FDX1: variants seen among roughly 807,000 people sequenced by gnomAD.
The protein encoded by FDX1 is adrenodoxin, mitochondrial.
In FDX1, 9 loss-of-function variants were observed where a neutral mutation model predicts 14.9. That is an observed-to-expected ratio of 0.60 (90% CI 0.36 to 1.05). The LOEUF (loss-of-function observed/expected upper bound fraction) is 1.05. Ranked by LOEUF, FDX1 falls within the 50% of genes least tolerant of loss-of-function variation. The pLI, the probability that FDX1 is intolerant of heterozygous loss-of-function variation, is 0.01. For synonymous variants in FDX1, 92 were observed against 99.4 expected (o/e 0.93, Z 0.44); for missense variants, 204 against 237.2 (o/e 0.86, Z 0.92).
At chr11:110,444,139 C>T (rs1282777529) in intron 2 of FDX1, among the ~76,000 whole-genome samples, 3 of 152,024 alleles carry the variant, frequency 2.0e-5, no homozygotes, top group Admixed American at 2.0e-4. Flanking sequence ...CTTTGCCAAT[C>T]CAATGTCTAG....
intron 2 of FDX1, 76 bp downstream of exon 2, chr11:110,436,034 T>C (rs1158989780): frequency 2.2e-6 from 3 of 1,339,202 alleles, no homozygotes; most frequent in Non-Finnish European, 3.1e-6. Flanking sequence ...GTTTTTTTTT[T>C]TGAAGAAGTT....
intron 2 of FDX1, among the ~76,000 whole-genome samples, chr11:110,439,194 C>A (rs1268962064): frequency 6.6e-6 from 1 of 151,962 alleles, no homozygotes; most frequent in Non-Finnish European, 1.5e-5. Context: ...TGTCAGCCAC[C>A]ATGCCTGCTC....
chr11:110,432,421 T>G (rs1946337779), intron 1 of FDX1, among the ~76,000 whole-genome samples: 1 of 152,178 alleles, frequency 6.6e-6, no homozygotes, highest in South Asian at 2.1e-4. Context: ...TTCTATTTAT[T>G]TTTAAAATTT....
upstream of FDX1, among the ~76,000 whole-genome samples, chr11:110,429,549 G>A (rs796880552): frequency 2.5e-4 from 38 of 152,192 alleles, 2 homozygotes; most frequent in African/African-American, 9.2e-4. Context: ...CAATTTTATA[G>A]TCATAATTAT....
At chr11:110,458,481 C>A (rs1444742100) in intron 3 of FDX1, among the ~76,000 whole-genome samples, 1 of 152,046 alleles carries the variant, frequency 6.6e-6, no homozygotes, top group Non-Finnish European at 1.5e-5. Context: ...AGCTAGTAAC[C>A]ACATGTAAAC....
chr11:110,435,774 A>G, intron 1 of FDX1, 60 bp from the exon 2 acceptor site: 1 of 1,388,056 alleles, frequency 7.2e-7, no homozygotes, highest in Non-Finnish European at 9.9e-7. Flanking sequence ...TTTTAAACCA[A>G]TTATTTTAAA....
chr11:110,438,667 G>A lies in FDX1; in HGVS notation c.310+2709G>A, dbSNP rs538922824. 5.9e-5 allele frequency among the ~76,000 whole-genome samples: 9 copies of A among 152,006 alleles called. No homozygotes were observed. The South Asian group carries it at 6.2e-4, about 11-fold the overall frequency. On this transcript the variant is annotated intron_variant, in intron 2 of 3. Coordinates refer to ENST00000260270, the MANE Select transcript of FDX1 (RefSeq NM_004109.5). ...CAAATTTTATATTTTTAGTTTTGCC[G>A]CATTGACCAGGCTGGTCTTGAATTC...
chr11:110,432,434 G>A (rs1399155884), intron 1 of FDX1, among the ~76,000 whole-genome samples: 2 of 152,120 alleles, frequency 1.3e-5, no homozygotes, highest in Non-Finnish European at 2.9e-5. Flanking sequence ...TAAAATTTCA[G>A]TAGTTTTGGG....
At chr11:110,456,355 G>T (rs1351877872) in intron 2 of FDX1, among the ~76,000 whole-genome samples, 1 of 152,026 alleles carries the variant, frequency 6.6e-6, no homozygotes, top group East Asian at 1.9e-4. Context: ...TATTTTCATA[G>T]GTATTCCTTC....
intron 3 of FDX1, among the ~76,000 whole-genome samples, chr11:110,457,813 A>G (rs150267309): frequency 1.3e-3 from 199 of 152,348 alleles, no homozygotes; most frequent in Middle Eastern, 0.01. Flanking sequence ...CACTTTTAAT[A>G]TAAACTACCT....
chr11:110,459,932 C>G (rs765031473), intron 3 of FDX1, among the ~76,000 whole-genome samples: 5 of 152,192 alleles, frequency 3.3e-5, no homozygotes, highest in Non-Finnish European at 7.4e-5. Flanking sequence ...ATTTATTGTT[C>G]TTCTATCACC....
intron 1 of FDX1, 87 bp from the exon 2 acceptor site, chr11:110,435,747 C>T (rs769887967): frequency 9.9e-7 from 1 of 1,012,672 alleles, no homozygotes; most frequent in Non-Finnish European, 1.4e-6. Flanking sequence ...CCCATCTACT[C>T]TGGAGGCCTT....
chr11:110,456,888 A>G, intron 2 of FDX1, 30 bp from the exon 3 acceptor site: 1 of 1,597,420 alleles, frequency 6.3e-7, no homozygotes, highest in South Asian at 1.1e-5. Flanking sequence ...TGTAGAAGGG[A>G]CTATGTTCAG....
At chr11:110,431,101 T>TAGCAGCAGCAGCAGCAGCAGCAGC (rs35673502) in intron 1 of FDX1, among the ~76,000 whole-genome samples, 5 of 151,110 alleles carry the variant, frequency 3.3e-5, no homozygotes, top group African/African-American at 1.2e-4. Flanking sequence ...TGCCACTTGG[T>TAGCAGCAGCAGCAGCAGCAGCAGC]AGCAGCAGCA....
chr11:110,453,669 A>T (rs1946501559), intron 2 of FDX1, among the ~76,000 whole-genome samples: 1 of 152,076 alleles, frequency 6.6e-6, no homozygotes, highest in Non-Finnish European at 1.5e-5. Flanking sequence ...AAACTCTAGA[A>T]AACTACTCAT....
chr11:110,456,217 G>T (rs920837687), intron 2 of FDX1, among the ~76,000 whole-genome samples: 2 of 152,136 alleles, frequency 1.3e-5, no homozygotes, highest in African/African-American at 4.8e-5. Flanking sequence ...TTGCTTTCTA[G>T]TTCCTCTTAT....
At chr11:110,437,228 A>C (rs1946375963) in intron 2 of FDX1, among the ~76,000 whole-genome samples, 1 of 152,188 alleles carries the variant, frequency 6.6e-6, no homozygotes, top group Non-Finnish European at 1.5e-5. Context: ...TCCTGGGCTC[A>C]AGAGATCTTC....
chr11:110,454,791 T>A (rs1591253888), intron 2 of FDX1, among the ~76,000 whole-genome samples: 1 of 152,236 alleles, frequency 6.6e-6, no homozygotes, highest in African/African-American at 2.4e-5. Flanking sequence ...TAGTTACTCT[T>A]GAGGAAACTG....
intron 3 of FDX1, 84 bp downstream of exon 3, chr11:110,457,131 A>T: frequency 8.4e-7 from 1 of 1,185,492 alleles, no homozygotes; most frequent in East Asian, 2.5e-5. Flanking sequence ...GACCAGACCC[A>T]TAAATGTAAT....
Sources: gnomAD v4.1 joint callset for allele counts (sites outside exome capture counted in the v4.1 genomes callset) on GRCh38, gnomAD v4.1.1 for gene constraint, MANE v1.5 for transcripts, NCBI Gene and HGNC (gene_info 2026-07-23, HGNC 2026-07-21) for gene names.